Variants in LDLRAD4 observed in about 807,000 individuals in gnomAD.
LDLRAD4 encodes the protein low density lipoprotein receptor class A domain containing 4.
In LDLRAD4, 5 loss-of-function variants were observed where a neutral mutation model predicts 17.0. The observed-to-expected ratio is 0.29, with a 90% CI of 0.15 to 0.62. The LOEUF (loss-of-function observed/expected upper bound fraction) is 0.62, where lower values mean the gene tolerates loss of function less well. Among genes scored for constraint, LDLRAD4 ranks in the 20% least tolerant of loss-of-function variants. The pLI is 0.84. For synonymous variants in LDLRAD4, 168 were observed against 171.8 expected, an observed-to-expected ratio of 0.98 and a Z score of 0.17; for missense variants, 340 against 424.7, an observed-to-expected ratio of 0.80 and a Z score of 1.75.
chr18:13,499,315 C>G (rs2093565854), intron 3 of LDLRAD4, among the ~76,000 whole-genome samples: 1 of 143,822 alleles, frequency 7.0e-6, no homozygotes, highest in African/African-American at 2.6e-5. Context: ...TCTACTCACA[C>G]ACGTCCCGCC....
chr18:13,443,692 TGTC>T (rs34431399), intron 3 of LDLRAD4, among the ~76,000 whole-genome samples: 6 of 150,392 alleles, frequency 4.0e-5, no homozygotes, highest in Non-Finnish European at 5.9e-5. Flanking sequence ...TCCCTCTTCC[TGTC>T]GTCGTCGTCG....
At chr18:13,265,346 G>C (rs1226695258) in intron 1 of LDLRAD4, among the ~76,000 whole-genome samples, 1 of 152,140 alleles carries the variant, frequency 6.6e-6, no homozygotes, top group Non-Finnish European at 1.5e-5. Context: ...AAACTTACCT[G>C]TGTGGCCTGG....
At chr18:13,554,641 C>T (rs996207770) in intron 3 of LDLRAD4, among the ~76,000 whole-genome samples, 1 of 152,054 alleles carries the variant, frequency 6.6e-6, no homozygotes, top group Non-Finnish European at 1.5e-5. Flanking sequence ...AACCTATTGC[C>T]CTTTAATAAT....
chr18:13,632,181 G>A (rs549253034), intron 4 of LDLRAD4, among the ~76,000 whole-genome samples: 20 of 152,228 alleles, frequency 1.3e-4, no homozygotes, highest in Middle Eastern at 3.4e-3. Context: ...GTGTCACTTC[G>A]CCAGTCAGAA....
intron 1 of LDLRAD4, chr18:13,242,096 A>G (rs2042687384): frequency 6.6e-6 from 1 of 152,264 alleles, no homozygotes; most frequent in Admixed American, 6.5e-5. Context: ...CATCATCTGA[A>G]AACAATAACA....
At chr18:13,618,499 G>A (rs1212342719) in intron 3 of LDLRAD4, among the ~76,000 whole-genome samples, 1 of 152,216 alleles carries the variant, frequency 6.6e-6, no homozygotes, top group Non-Finnish European at 1.5e-5. Flanking sequence ...TTGCTTTGCT[G>A]CAAATGCTTG....
chr18:13,564,683 C>G (rs114567368), intron 3 of LDLRAD4, among the ~76,000 whole-genome samples: 1,893 of 132,644 alleles, frequency 0.014, 44 homozygotes, highest in African/African-American at 0.049. Flanking sequence ...GACCCACGAC[C>G]CCGCCTCTGC....
intron 3 of LDLRAD4, among the ~76,000 whole-genome samples, chr18:13,446,421 C>T (rs1259661327): frequency 6.6e-6 from 1 of 152,094 alleles, no homozygotes; most frequent in African/African-American, 2.4e-5. Flanking sequence ...TCAGAAGGGC[C>T]ACAGAGGATG....
chr18:13,332,742 T>C (rs1041495460), intron 1 of LDLRAD4, among the ~76,000 whole-genome samples: 1 of 128,308 alleles, frequency 7.8e-6, no homozygotes, highest in Admixed American at 7.8e-5. Context: ...CTCATTTTTT[T>C]TGTTTTTTTT....
At chr18:13,360,425 C>T (rs560193092) in intron 1 of LDLRAD4, among the ~76,000 whole-genome samples, 2 of 152,204 alleles carry the variant, frequency 1.3e-5, no homozygotes, top group African/African-American at 2.4e-5. Flanking sequence ...AAGCAGCGCT[C>T]ACCTGCCATG....
intron 3 of LDLRAD4, chr18:13,486,691 T>A (rs1337723096): frequency 3.3e-5 from 5 of 152,214 alleles, no homozygotes; most frequent in Admixed American, 3.3e-4. Flanking sequence ...TTCAGAAAAG[T>A]GCATGTATCA....
intron 1 of LDLRAD4, among the ~76,000 whole-genome samples, chr18:13,244,566 C>T (rs561784584): frequency 3.3e-4 from 51 of 152,350 alleles, no homozygotes; most frequent in African/African-American, 9.9e-4. Context: ...ATTATAATTA[C>T]GAATGAATCC....
At chr18:13,593,926 C>CT (rs1325986998) in intron 3 of LDLRAD4, among the ~76,000 whole-genome samples, 2 of 152,300 alleles carry the variant, frequency 1.3e-5, no homozygotes, top group East Asian at 3.9e-4. Flanking sequence ...TCCAGAGTAC[C>CT]TGGGAGTACA....
intron 2 of LDLRAD4, among the ~76,000 whole-genome samples, chr18:13,413,501 C>A (rs1419114171): frequency 6.6e-6 from 1 of 152,204 alleles, no homozygotes; most frequent in Non-Finnish European, 1.5e-5. Context: ...ATCGAGGCCT[C>A]AGGTCTCTGA....
intron 3 of LDLRAD4, among the ~76,000 whole-genome samples, chr18:13,598,416 G>A (rs997889008): frequency 2.0e-5 from 3 of 152,180 alleles, no homozygotes; most frequent in Admixed American, 2.0e-4. Flanking sequence ...CTAATTGCTG[G>A]CTAATTGCTT....
At chr18:13,323,684 G>A (rs1000865138) in intron 1 of LDLRAD4, among the ~76,000 whole-genome samples, 41 of 152,168 alleles carry the variant, frequency 2.7e-4, no homozygotes, top group African/African-American at 8.7e-4. Context: ...ATGGGACTGT[G>A]ACTATTGTTC....
intron 1 of LDLRAD4, among the ~76,000 whole-genome samples, chr18:13,368,815 G>GGCACTCTGAT (rs1416642060): frequency 6.6e-6 from 1 of 152,174 alleles, no homozygotes; most frequent in Non-Finnish European, 1.5e-5. Context: ...CATACACTTT[G>GGCACTCTGAT]GCACTCTGAT....
upstream of LDLRAD4, among the ~76,000 whole-genome samples, chr18:13,275,841 G>T (rs1416682570): frequency 6.6e-6 from 1 of 152,178 alleles, no homozygotes; most frequent in African/African-American, 2.4e-5. Flanking sequence ...GGATGACGGG[G>T]ATGTGGTTTT....
intron 1 of LDLRAD4, among the ~76,000 whole-genome samples, chr18:13,314,482 T>G (rs1376538446): frequency 6.6e-6 from 1 of 152,196 alleles, no homozygotes; most frequent in South Asian, 2.1e-4. Context: ...AGACCGACAT[T>G]CCCACGCAGT....
Sources: gnomAD v4.1 joint callset for allele counts (sites outside exome capture counted in the v4.1 genomes callset) on GRCh38, gnomAD v4.1.1 for gene constraint, MANE v1.5 for transcripts, NCBI Gene and HGNC (gene_info 2026-07-23, HGNC 2026-07-21) for gene names.